Variants in RORA observed in about 807,000 individuals in gnomAD.
RORA encodes the protein RAR related orphan receptor A, also known as nuclear receptor ROR-alpha.
A neutral mutation model predicts 69.5 loss-of-function variants in RORA; 7 were observed. The observed-to-expected ratio is 0.10, with a 90% CI of 0.06 to 0.19. RORA has a LOEUF of 0.19. Among genes scored for constraint, RORA ranks in the 10% least tolerant of loss-of-function variants. The probability of loss-of-function intolerance (pLI) is 1.00; values close to 1 mark genes in which losing one functional copy is unlikely to be tolerated. For missense variants in RORA, 457 were observed against 663.0 expected, an observed-to-expected ratio of 0.69 and a Z score of 3.41; for synonymous variants, 261 against 240.8, an observed-to-expected ratio of 1.08 and a Z score of -0.78.
At chr15:60,859,869 G>A (rs1009703112) in intron 1 of RORA, among the ~76,000 whole-genome samples, 2 of 151,866 alleles carry the variant, frequency 1.3e-5, no homozygotes, top group Admixed American at 1.3e-4. Context: ...CATAGCAAAC[G>A]AGCTGAGGAA....
intron 1 of RORA, among the ~76,000 whole-genome samples, chr15:60,876,439 T>C (rs913929772): frequency 2.6e-5 from 4 of 152,260 alleles, no homozygotes; most frequent in East Asian, 3.9e-4. Flanking sequence ...TTAAAATCTT[T>C]CTTCTTAGGC....
intron 1 of RORA, among the ~76,000 whole-genome samples, chr15:60,685,687 G>T (rs1303445179): frequency 6.6e-6 from 1 of 152,164 alleles, no homozygotes; most frequent in African/African-American, 2.4e-5. Flanking sequence ...TTTGGACTTT[G>T]TTTCAAAAAT....
At chr15:61,087,593 A>G (rs938528268) in intron 1 of RORA, among the ~76,000 whole-genome samples, 4 of 152,244 alleles carry the variant, frequency 2.6e-5, no homozygotes, top group African/African-American at 9.6e-5. Context: ...CAGTCATATA[A>G]AAACAACATA....
In RORA at chr15:61,177,701, G is replaced by A. The variant is rs574018925; in HGVS notation, c.166+51352C>T. On this transcript the variant is annotated intron_variant, in intron 1 of 10. Coordinates refer to ENST00000335670, the MANE Select transcript of RORA (RefSeq NM_134261.3). ...TGCAGTTGCTCACGCCTATAATCCC[G>A]TATAACCCGAGCCCTTTGGGAGGCT... Among the ~76,000 whole-genome samples the A allele has an allele frequency of 4.6e-5, 7 of 152,150 alleles. No individual in the cohort carries two copies. In the South Asian group the frequency reaches 6.2e-4, roughly 14 times the overall value.
chr15:60,548,867 C>T (rs749299950), intron 2 of RORA, among the ~76,000 whole-genome samples: 20 of 152,238 alleles, frequency 1.3e-4, no homozygotes, highest in African/African-American at 3.1e-4. Flanking sequence ...CCTCATGATC[C>T]GCCCGCCTTG....
intron 1 of RORA, among the ~76,000 whole-genome samples, chr15:60,845,354 T>C (rs1042341132): frequency 4.6e-5 from 7 of 152,222 alleles, no homozygotes; most frequent in East Asian, 1.9e-4. Flanking sequence ...CAGACGATGG[T>C]ATGTTTCTCC....
intron 1 of RORA, among the ~76,000 whole-genome samples, chr15:61,167,482 A>AT (rs199752865): frequency 1.7e-4 from 23 of 133,676 alleles, no homozygotes; most frequent in African/African-American, 4.3e-4. Flanking sequence ...TTTGACCAGG[A>AT]TTTTTTTTTT....
At chr15:60,671,067 GATATAT>G (rs10577286) in intron 2 of RORA, among the ~76,000 whole-genome samples, 4,871 of 122,236 alleles carry the variant, frequency 0.04, 325 homozygotes, top group African/African-American at 0.09. Flanking sequence ...ATATCCCATT[GATATAT>G]ATATATATAT....
intron 2 of RORA, among the ~76,000 whole-genome samples, chr15:60,550,545 ATCC>A (rs1372142996): frequency 6.6e-6 from 1 of 152,236 alleles, no homozygotes; most frequent in African/African-American, 2.4e-5. Flanking sequence ...CCAGTTTTCA[ATCC>A]TCCTCACTTG....
At chr15:60,662,586 ATTTATAATGCATGC>A (rs1238692152) in intron 2 of RORA, among the ~76,000 whole-genome samples, 1 of 152,126 alleles carries the variant, frequency 6.6e-6, no homozygotes. Context: ...CACACATATG[ATTTATAATGCATGC>A]TTCCAGGACC....
At chr15:60,581,539 T>C (rs1400578282) in intron 2 of RORA, among the ~76,000 whole-genome samples, 1 of 152,200 alleles carries the variant, frequency 6.6e-6, no homozygotes, top group Non-Finnish European at 1.5e-5. Flanking sequence ...ATTTCTTAGA[T>C]ATATACAAAA....
chr15:61,037,074 T>C (rs995346371), intron 1 of RORA, among the ~76,000 whole-genome samples: 26 of 152,132 alleles, frequency 1.7e-4, no homozygotes, highest in African/African-American at 6.0e-4. Context: ...ACTATAGGAA[T>C]TCAAATCCTA....
At chr15:60,571,912 C>T (rs907200020) in intron 2 of RORA, among the ~76,000 whole-genome samples, 33 of 152,206 alleles carry the variant, frequency 2.2e-4, no homozygotes, top group African/African-American at 7.9e-4. Flanking sequence ...AAGTAATAAT[C>T]CATGAAAAAG....
chr15:60,979,263 C>T (rs1461503560), intron 1 of RORA, among the ~76,000 whole-genome samples: 3 of 101,488 alleles, frequency 3.0e-5, no homozygotes, highest in South Asian at 7.0e-4. Flanking sequence ...CGCACCTAGC[C>T]CTTGCTTTTT....
At chr15:61,188,461 T>A (rs1427206085) in intron 1 of RORA, among the ~76,000 whole-genome samples, 3 of 151,940 alleles carry the variant, frequency 2.0e-5, no homozygotes, top group Non-Finnish European at 4.4e-5. Flanking sequence ...TACCAGTGAG[T>A]TCTGCAAAAC....
chr15:60,922,774 T>C (rs895998656), intron 1 of RORA, among the ~76,000 whole-genome samples: 12 of 152,084 alleles, frequency 7.9e-5, no homozygotes, highest in African/African-American at 2.9e-4. Context: ...ACACCCAGAG[T>C]TTCTGTCTGT....
intron 1 of RORA, among the ~76,000 whole-genome samples, chr15:60,979,730 ATG>A (rs35877636): frequency 6.7e-5 from 10 of 149,630 alleles, no homozygotes; most frequent in East Asian, 5.9e-4. Flanking sequence ...GTGTGTATGT[ATG>A]TGTGTGTGTG....
chr15:61,135,763 T>A (rs1216793146), intron 1 of RORA, among the ~76,000 whole-genome samples: 1 of 151,984 alleles, frequency 6.6e-6, no homozygotes, highest in Admixed American at 6.6e-5. Context: ...GCTAGCCCAT[T>A]GGAAAATCTA....
At chr15:60,943,684 G>C (rs1892771427) in intron 1 of RORA, among the ~76,000 whole-genome samples, 1 of 152,022 alleles carries the variant, frequency 6.6e-6, no homozygotes, top group Non-Finnish European at 1.5e-5. Context: ...GGGAGGCTGA[G>C]GTGGGGGGAT....
Sources: gnomAD v4.1 joint callset for allele counts (sites outside exome capture counted in the v4.1 genomes callset) on GRCh38, gnomAD v4.1.1 for gene constraint, MANE v1.5 for transcripts, NCBI Gene and HGNC (gene_info 2026-07-23, HGNC 2026-07-21) for gene names.